The following RASAL2 variants were observed in gnomAD, a reference collection of about 807,000 sequenced individuals.
RASAL2 encodes the protein RAS protein activator like 2.
A neutral mutation model predicts 128.9 loss-of-function variants in RASAL2; 58 were observed. The observed-to-expected ratio is 0.45, with a 90% CI of 0.36 to 0.56. The LOEUF (loss-of-function observed/expected upper bound fraction) is 0.56, where lower values mean the gene tolerates loss of function less well. RASAL2 is among the 20% of genes least tolerant of loss of function. The pLI, the probability that RASAL2 is intolerant of heterozygous loss-of-function variation, is 0.00. For missense variants in RASAL2, 1,360 were observed against 1,601.6 expected, an observed-to-expected ratio of 0.85 and a Z score of 2.57; for synonymous variants, 561 against 580.8, an observed-to-expected ratio of 0.97 and a Z score of 0.49.
At chr1:178,356,597 C>A (rs984874980) in intron 3 of RASAL2, among the ~76,000 whole-genome samples, 1 of 151,978 alleles carries the variant, frequency 6.6e-6, no homozygotes. Flanking sequence ...TCTTCTTATA[C>A]TATTTATATA....
intron 3 of RASAL2, among the ~76,000 whole-genome samples, chr1:178,345,795 A>G (rs1670121086): frequency 6.6e-6 from 1 of 152,204 alleles, no homozygotes; most frequent in Non-Finnish European, 1.5e-5. Context: ...AGCTTGTGTG[A>G]GTACATAGAA....
intron 1 of RASAL2, among the ~76,000 whole-genome samples, chr1:178,151,478 G>A (rs999313991): frequency 2.0e-5 from 3 of 152,210 alleles, no homozygotes; most frequent in Non-Finnish European, 4.4e-5. Context: ...TTGATCAGTT[G>A]ATGAAAATGT....
At chr1:178,385,119 C>G (rs546873659) in intron 3 of RASAL2, among the ~76,000 whole-genome samples, 15 of 152,278 alleles carry the variant, frequency 9.9e-5, no homozygotes, top group Non-Finnish European at 2.1e-4. Context: ...TAATAACATT[C>G]CAGATTTATT....
chr1:178,359,472 A>T (rs1331486667), intron 3 of RASAL2, among the ~76,000 whole-genome samples: 1 of 152,166 alleles, frequency 6.6e-6, no homozygotes, highest in Admixed American at 6.5e-5. Flanking sequence ...AAGCCTTAGA[A>T]TTTTTTGTGT....
intron 2 of RASAL2, among the ~76,000 whole-genome samples, chr1:178,295,175 T>C (rs913113371): frequency 2.6e-5 from 4 of 151,686 alleles, no homozygotes; most frequent in Admixed American, 2.0e-4. Context: ...AGAGTATAGA[T>C]CAGTGGTTCT....
intron 3 of RASAL2, among the ~76,000 whole-genome samples, chr1:178,348,885 C>T (rs1007272081): frequency 3.3e-5 from 5 of 151,058 alleles, no homozygotes; most frequent in African/African-American, 7.3e-5. Flanking sequence ...CTGCAAGCTC[C>T]GCCTCCTGGG....
intron 1 of RASAL2, among the ~76,000 whole-genome samples, chr1:178,250,603 C>T (rs954279959): frequency 2.6e-5 from 4 of 152,114 alleles, no homozygotes; most frequent in Non-Finnish European, 5.9e-5. Flanking sequence ...TGCTGGGGTT[C>T]CAGGCGCCAC....
At chr1:178,146,724 G>A (rs1242411506) in intron 1 of RASAL2, among the ~76,000 whole-genome samples, 1 of 152,224 alleles carries the variant, frequency 6.6e-6, no homozygotes. Flanking sequence ...GGAAGGGAAT[G>A]TTATGAATGG....
At chr1:178,187,321 T>A (rs187666828) in intron 1 of RASAL2, among the ~76,000 whole-genome samples, 1 of 152,312 alleles carries the variant, frequency 6.6e-6, no homozygotes, top group Admixed American at 6.5e-5. Context: ...TACTGTTCTA[T>A]TCATCAAGTA....
At chr1:178,282,450 T>C (rs1666830688) in intron 1 of RASAL2, among the ~76,000 whole-genome samples, 1 of 152,178 alleles carries the variant, frequency 6.6e-6, no homozygotes, top group Non-Finnish European at 1.5e-5. Context: ...TTTGGTTAAT[T>C]ATAATGTAAG....
At chr1:178,183,109 C>T (rs1413815968) in intron 1 of RASAL2, among the ~76,000 whole-genome samples, 1 of 152,152 alleles carries the variant, frequency 6.6e-6, no homozygotes, top group Non-Finnish European at 1.5e-5. Flanking sequence ...AGGCCATGGA[C>T]TGGTACCAGT....
At chr1:178,237,360 A>G (rs556210247) in intron 1 of RASAL2, among the ~76,000 whole-genome samples, 21 of 152,228 alleles carry the variant, frequency 1.4e-4, no homozygotes, top group African/African-American at 4.1e-4. Flanking sequence ...GTTAGTTCCC[A>G]TATGAGGATA....
At chr1:178,275,437 G>T (rs1467019218) in intron 1 of RASAL2, among the ~76,000 whole-genome samples, 1 of 152,234 alleles carries the variant, frequency 6.6e-6, no homozygotes, top group Non-Finnish European at 1.5e-5. Context: ...GATCAGGACA[G>T]TGCAAACTGT....
At chr1:178,113,066 C>A (rs2102251292) in intron 1 of RASAL2, among the ~76,000 whole-genome samples, 1 of 152,104 alleles carries the variant, frequency 6.6e-6, no homozygotes, top group East Asian at 1.9e-4. Flanking sequence ...TGAAATTCTT[C>A]TTTTTTTAAA....
At chr1:178,449,780 G>T (rs1677255076) in intron 9 of RASAL2, among the ~76,000 whole-genome samples, 1 of 151,788 alleles carries the variant, frequency 6.6e-6, no homozygotes, top group Admixed American at 6.6e-5. Context: ...TTTTTAAGCT[G>T]GTACTATAGA....
At chr1:178,249,148 C>G (rs1664925291) in intron 1 of RASAL2, among the ~76,000 whole-genome samples, 6 of 152,110 alleles carry the variant, frequency 3.9e-5, no homozygotes, top group Admixed American at 3.9e-4. Flanking sequence ...CAACTTGGTT[C>G]CATTCTCTCT....
chr1:178,184,446 C>T (rs963671602), intron 1 of RASAL2, among the ~76,000 whole-genome samples: 3 of 150,314 alleles, frequency 2.0e-5, no homozygotes, highest in Non-Finnish European at 4.4e-5. Context: ...GATCTATGTT[C>T]CATTTTTAGT....
At position 178,166,340 on chromosome 1, in the gene RASAL2, A is replaced by G. The variant is rs564661825; in HGVS notation, c.202+71646A>G. Among the ~76,000 whole-genome samples the G allele has an allele frequency of 2.0e-5, 3 of 152,216 alleles. No homozygotes were observed. The East Asian group carries it at 5.8e-4, about 29-fold the overall frequency. ...AAATGATAGATATCCTCATGGGACT[A>G]AAATCCTCATGGAACTAATATCTCT... On this transcript the variant is annotated intron_variant, in intron 1 of 17. Transcript: ENST00000367649.
chr1:178,235,509 A>G (rs1484013994), intron 1 of RASAL2, among the ~76,000 whole-genome samples: 2 of 152,224 alleles, frequency 1.3e-5, no homozygotes, highest in African/African-American at 4.8e-5. Flanking sequence ...TTTCGATTCC[A>G]GTAACGAAAA....
Sources: allele counts gnomAD v4.1 joint callset (sites outside exome capture counted in the v4.1 genomes callset), GRCh38; gene constraint gnomAD v4.1.1; transcripts MANE v1.5; gene names NCBI Gene and HGNC (gene_info 2026-07-23, HGNC 2026-07-21).